Variants in GPC6 observed in about 807,000 individuals in gnomAD.
The protein encoded by GPC6 is glypican-6.
GPC6 carries 14 observed loss-of-function variants against 55.2 expected under a neutral mutation model. That is an observed-to-expected ratio of 0.25 (90% CI 0.17 to 0.40). The LOEUF (loss-of-function observed/expected upper bound fraction) is 0.40. Ranked by LOEUF, GPC6 falls within the 10% of genes least tolerant of loss-of-function variation. The pLI, the probability that GPC6 is intolerant of heterozygous loss-of-function variation, is 1.00. For synonymous variants in GPC6, 278 were observed against 259.6 expected (o/e 1.07, Z -0.68); for missense variants, 641 against 708.5 (o/e 0.90, Z 1.08).
intron 3 of GPC6, among the ~76,000 whole-genome samples, chr13:93,841,127 C>G (rs1409591568): frequency 6.6e-6 from 1 of 152,040 alleles, no homozygotes; most frequent in African/African-American, 2.4e-5. Flanking sequence ...TTTTATTGTC[C>G]CATCTTCAGA....
intron 7 of GPC6, among the ~76,000 whole-genome samples, chr13:94,396,312 C>T (rs963532046): frequency 2.0e-5 from 3 of 152,192 alleles, no homozygotes; most frequent in Non-Finnish European, 4.4e-5. Flanking sequence ...AAAAACGCAC[C>T]CAGATGGGTG....
intron 2 of GPC6, among the ~76,000 whole-genome samples, chr13:93,622,017 C>T (rs1878974490): frequency 6.6e-6 from 1 of 152,112 alleles, no homozygotes; most frequent in South Asian, 2.1e-4. Context: ...CCCCAGCTGC[C>T]ACCCAGACAC....
chr13:93,916,132 A>C (rs1296403314), intron 3 of GPC6, among the ~76,000 whole-genome samples: 32 of 152,086 alleles, frequency 2.1e-4, no homozygotes, highest in Non-Finnish European at 1.5e-5. Flanking sequence ...CACAGTAGCC[A>C]GTGCAGTGAT....
At chr13:94,017,087 C>T (rs189318323) in intron 3 of GPC6, among the ~76,000 whole-genome samples, 47 of 152,298 alleles carry the variant, frequency 3.1e-4, no homozygotes, top group Admixed American at 7.2e-4. Flanking sequence ...CCCGCCTTGG[C>T]CTCCCAAAGT....
At chr13:93,471,358 CAAAAAAAA>C (rs59410717) in intron 1 of GPC6, among the ~76,000 whole-genome samples, 1 of 123,156 alleles carries the variant, frequency 8.1e-6, no homozygotes, top group Non-Finnish European at 1.7e-5. Flanking sequence ...TCTAAAAATA[CAAAAAAAA>C]AAAAAAAAAA....
intron 2 of GPC6, among the ~76,000 whole-genome samples, chr13:93,581,858 CT>C (rs1175675118): frequency 6.6e-6 from 1 of 152,140 alleles, no homozygotes; most frequent in Admixed American, 6.5e-5. Context: ...ATCATGATTT[CT>C]TTTTCTTTGA....
At chr13:93,809,327 G>C (rs1369563232) in intron 2 of GPC6, among the ~76,000 whole-genome samples, 4 of 152,192 alleles carry the variant, frequency 2.6e-5, no homozygotes, top group Admixed American at 2.0e-4. Context: ...AATGTGATTA[G>C]TGGGTTAATT....
At chr13:94,205,203 A>C (rs1299048175) in intron 4 of GPC6, among the ~76,000 whole-genome samples, 2 of 152,122 alleles carry the variant, frequency 1.3e-5, no homozygotes, top group African/African-American at 4.8e-5. Context: ...TTTTACCTAC[A>C]CCGTTTCTTA....
At chr13:94,355,976 A>G (rs1878773688) in intron 6 of GPC6, among the ~76,000 whole-genome samples, 1 of 151,366 alleles carries the variant, frequency 6.6e-6, no homozygotes, top group African/African-American at 2.4e-5. Context: ...GTTCCCCTCC[A>G]TGTGTCCATG....
chr13:93,762,895 G>A (rs1884998043), intron 2 of GPC6, among the ~76,000 whole-genome samples: 1 of 152,114 alleles, frequency 6.6e-6, no homozygotes, highest in South Asian at 2.1e-4. Flanking sequence ...ATAGTAGATT[G>A]CCCCTGTGCC....
intron 4 of GPC6, among the ~76,000 whole-genome samples, chr13:94,087,843 C>A (rs1885342917): frequency 6.6e-6 from 1 of 152,156 alleles, no homozygotes; most frequent in South Asian, 2.1e-4. Context: ...GTCATGGATC[C>A]TGTGAACCTG....
chr13:93,753,734 C>T (rs927371372), intron 2 of GPC6, among the ~76,000 whole-genome samples: 2 of 152,054 alleles, frequency 1.3e-5, no homozygotes, highest in Non-Finnish European at 2.9e-5. Flanking sequence ...CACCAACCAC[C>T]CACCACCCTT....
intron 3 of GPC6, among the ~76,000 whole-genome samples, chr13:93,993,103 A>G (rs1594649492): frequency 6.6e-6 from 1 of 152,134 alleles, no homozygotes; most frequent in South Asian, 2.1e-4. Flanking sequence ...TTCCTTACTC[A>G]TAGCTTTCAA....
chr13:94,251,479 C>T (rs181835083), intron 4 of GPC6, among the ~76,000 whole-genome samples: 17 of 144,382 alleles, frequency 1.2e-4, no homozygotes, highest in Admixed American at 3.4e-4. Flanking sequence ...AAAAAAAACA[C>T]GGACTGGTTA....
chr13:94,161,687 C>A (rs1376598058), intron 4 of GPC6, among the ~76,000 whole-genome samples: 1 of 152,072 alleles, frequency 6.6e-6, no homozygotes, highest in Non-Finnish European at 1.5e-5. Context: ...ATCTAAGGAG[C>A]CATGCACAAG....
intron 2 of GPC6, among the ~76,000 whole-genome samples, chr13:93,556,616 C>T (rs1723256145): frequency 6.6e-6 from 1 of 151,726 alleles, no homozygotes; most frequent in Non-Finnish European, 1.5e-5. Flanking sequence ...GTTGTGCTAT[C>T]AAATAATAGG....
At chr13:93,447,964 A>C (rs547844185) in intron 1 of GPC6, among the ~76,000 whole-genome samples, 32 of 152,332 alleles carry the variant, frequency 2.1e-4, no homozygotes, top group Non-Finnish European at 4.0e-4. Flanking sequence ...TTCATTGCTG[A>C]GTTAAACTAG....
chr13:93,939,949 T>C (rs995153618), intron 3 of GPC6, among the ~76,000 whole-genome samples: 2 of 152,204 alleles, frequency 1.3e-5, no homozygotes, highest in Admixed American at 6.5e-5. Context: ...ATAAATGTCA[T>C]AGCTGTGATT....
intron 2 of GPC6, among the ~76,000 whole-genome samples, chr13:93,681,468 G>C (rs1881843776): frequency 6.6e-6 from 1 of 152,092 alleles, no homozygotes; most frequent in Non-Finnish European, 1.5e-5. Context: ...GGAAGATACG[G>C]CAAGAGCTGA....
Sources: allele counts gnomAD v4.1 joint callset (sites outside exome capture counted in the v4.1 genomes callset), GRCh38; gene constraint gnomAD v4.1.1; transcripts MANE v1.5; gene names NCBI Gene and HGNC (gene_info 2026-07-23, HGNC 2026-07-21).